Variants in DAZAP1 observed in about 807,000 individuals in gnomAD.
DAZAP1 encodes DAZ-associated protein 1.
DAZAP1 carries 6 observed loss-of-function variants against 60.1 expected under a neutral mutation model. That is an observed-to-expected ratio of 0.10 (90% CI 0.05 to 0.20). The LOEUF (loss-of-function observed/expected upper bound fraction) is 0.20. DAZAP1 is among the 10% of genes least tolerant of loss of function. The pLI, the probability that DAZAP1 is intolerant of heterozygous loss-of-function variation, is 1.00. For missense variants in DAZAP1, 366 were observed against 560.4 expected, an observed-to-expected ratio of 0.65 and a Z score of 3.50; for synonymous variants, 235 against 215.9, an observed-to-expected ratio of 1.09 and a Z score of -0.78.
At chr19:1,415,197 C>G (rs1196761729) in intron 1 of DAZAP1, among the ~76,000 whole-genome samples, 1 of 152,036 alleles carries the variant, frequency 6.6e-6, no homozygotes, top group Non-Finnish European at 1.5e-5. Flanking sequence ...CTGGACTGGT[C>G]TGACGAGTTC....
intron 10 of DAZAP1, among the ~76,000 whole-genome samples, chr19:1,430,773 T>G (rs1474041891): frequency 6.6e-6 from 1 of 150,712 alleles, no homozygotes; most frequent in Admixed American, 6.6e-5. Context: ...CAGGCTGGAG[T>G]GCAGTGGCGC....
intron 1 of DAZAP1, among the ~76,000 whole-genome samples, chr19:1,409,067 C>G (rs1160280235): frequency 6.6e-6 from 1 of 152,174 alleles, no homozygotes; most frequent in Non-Finnish European, 1.5e-5. Context: ...GGGCTCTCCC[C>G]CTCCCCAGAC....
At chr19:1,408,307 C>T (rs541426202) in intron 1 of DAZAP1, among the ~76,000 whole-genome samples, 8 of 151,712 alleles carry the variant, frequency 5.3e-5, no homozygotes, top group African/African-American at 1.7e-4. Flanking sequence ...CTGGGGGACC[C>T]CGAATGAGAA....
In DAZAP1 at chr19:1,432,940, G is replaced by A; in HGVS notation, c.1048+250G>A. 1 of 504,874 alleles carries A rather than the reference G, an allele frequency of 2.0e-6. No homozygotes were observed. The highest frequency in any genetic ancestry group is 1.9e-5 in the African/African-American group (1 of 51,326). 31.3% of individuals were successfully genotyped at this position (504,874 alleles called of 1,614,324 possible). Reference sequence around the variant, plus strand: ...AGCAGGTGCTGCAGGGCCTGCATGTGTGGGAACCTGAGTGGCGACTGGGTC... The same window carrying A: ...AGCAGGTGCTGCAGGGCCTGCATGTATGGGAACCTGAGTGGCGACTGGGTC... On this transcript the variant is annotated intron_variant, in intron 11 of 11. Transcript: ENST00000233078. The surrounding 1 kb of genome is among the most constrained non-coding windows in gnomAD (Gnocchi z 4.9).
At position 1,407,770 on chromosome 19, in the gene DAZAP1, C is replaced by T. The variant is rs1217964079; in HGVS notation, c.-4C>T. The T allele has an allele frequency of 5.5e-6, 6 of 1,089,860 alleles. No homozygotes were observed. Among genetic ancestry groups the T allele is most frequent in the Non-Finnish European group, 6.7e-6 (6 of 897,896 alleles). The allele number at this position is 1,089,860 out of a possible 1,614,324, so 67.5% of individuals were successfully genotyped here. ...GAGCGCCGAGCGTCGCCGCCGCCGC[C>T]GCCATGAACAACTCGGGCGCCGACG... On this transcript the variant is annotated 5_prime_UTR_variant, in exon 1 of 12. Coordinates refer to ENST00000233078, the MANE Select transcript of DAZAP1 (RefSeq NM_018959.4).
Position 1,433,881 on chromosome 19 carries a change from G to A in DAZAP1, c.1049-856G>A. 1 of 1,535,782 alleles carries A rather than the reference G, an allele frequency of 6.5e-7. No individual in the cohort carries two copies. Among genetic ancestry groups the A allele is most frequent in the South Asian group, 1.1e-5 (1 of 89,376 alleles). ...TCCCACCCGCCTGCACCGGGAGGTG[G>A]ACGTGGCTTCCTCTGCCGTCCCGGG... On this transcript the variant is annotated intron_variant, in intron 11 of 11. Coordinates refer to ENST00000233078, the MANE Select transcript of DAZAP1 (RefSeq NM_018959.4). The surrounding 1 kb of genome is among the most constrained non-coding windows in gnomAD (Gnocchi z 6.1).
chr19:1,432,732 G>A lies in DAZAP1; in HGVS notation c.1048+42G>A, dbSNP rs2083485684. On this transcript the variant is annotated intron_variant, in intron 11 of 11. Transcript: ENST00000233078. The surrounding 1 kb of genome is among the most constrained non-coding windows in gnomAD (Gnocchi z 4.9). Reference sequence around the variant, plus strand: ...CATGCCGCGTCCCCGCTGGCCCCAGGACCCTGGGCACGGCCTGCCTTCTTC... The same window carrying A: ...CATGCCGCGTCCCCGCTGGCCCCAGAACCCTGGGCACGGCCTGCCTTCTTC... 3 of 1,540,376 alleles carry A rather than the reference G, an allele frequency of 1.9e-6. No individual in the cohort carries two copies. In the African/African-American group the frequency reaches 4.1e-5, roughly 21 times the overall value.
chr19:1,422,260 T>C lies in DAZAP1; in HGVS notation c.415-88T>C. 1 of 1,264,372 alleles carries C rather than the reference T, an allele frequency of 7.9e-7. No individual in the cohort carries two copies. Among genetic ancestry groups the C allele is most frequent in the South Asian group, 1.2e-5 (1 of 82,930 alleles). 78.3% of individuals were successfully genotyped at this position (1,264,372 alleles called of 1,614,324 possible). ...GGGAGGGCGCACCCTGTGCGAGAGT[T>C]TGGGTTCGTGGGAACAGGCTGTGCC... is the stretch of plus-strand genomic sequence containing the variant. On this transcript the variant is annotated intron_variant, in intron 5 of 11. Transcript: ENST00000233078. This position sits in a 1 kb window ranked among gnomAD's most constrained non-coding sequence, Gnocchi z 4.5.
rs1369884760 is a variant in DAZAP1, at chr19:1,423,847, C to T, written c.463+1451C>T. On this transcript the variant is annotated intron_variant, in intron 6 of 11. Coordinates refer to ENST00000233078, the MANE Select transcript of DAZAP1 (RefSeq NM_018959.4). This position sits in a 1 kb window ranked among gnomAD's most constrained non-coding sequence, Gnocchi z 6.8. The stretch of plus-strand genomic sequence containing the variant: ...CTTCTCCTCGCGTCCTGTCCTGTCC[C>T]GTGTGGACGGGACGTGGCGAGTGTC... Among the ~76,000 whole-genome samples, 2 of 152,170 alleles carry T rather than the reference C, an allele frequency of 1.3e-5. No homozygotes were observed. The highest frequency in any genetic ancestry group is 2.4e-5 in the African/African-American group (1 of 41,440).
At chr19:1,429,497 G>T (rs1337055680) in intron 8 of DAZAP1, among the ~76,000 whole-genome samples, 2 of 152,222 alleles carry the variant, frequency 1.3e-5, no homozygotes, top group Non-Finnish European at 2.9e-5. Flanking sequence ...CCCTGGGCTT[G>T]GCTGCAGCCC....
At chr19:1,419,479 C>T (rs1030381917) in intron 4 of DAZAP1, among the ~76,000 whole-genome samples, 2 of 152,182 alleles carry the variant, frequency 1.3e-5, no homozygotes, top group Non-Finnish European at 2.9e-5. Context: ...GGGTGCGTCT[C>T]CTAAAATGAC....
chr19:1,430,270 C>CCCCCA lies in DAZAP1; in HGVS notation c.779_780insCCCCA (p.Phe262AsnfsTer75). 7.3e-7 allele frequency: 1 copy of CCCCCA among 1,368,650 alleles called. No homozygotes were observed. Among genetic ancestry groups the CCCCCA allele is most frequent in the Non-Finnish European group, 1.0e-6 (1 of 979,204 alleles). The allele number at this position is 1,368,650 out of a possible 1,614,324, so 84.8% of individuals were successfully genotyped here. A position where few individuals can be genotyped will look rare whatever the true frequency, so the allele number is the denominator to read the frequency against. Reference sequence around the variant, plus strand: ...GGAAGAGGAGCCCCCCCGCCACCCCCACCGTTCACCTCCTACATCGTGTCC... The same window carrying CCCCCA: ...GGAAGAGGAGCCCCCCCGCCACCCCCCCCCAACCGTTCACCTCCTACATCGTGTCC... On this transcript the variant is annotated frameshift_variant, in exon 10 of 12. Coordinates refer to ENST00000233078, the MANE Select transcript of DAZAP1 (RefSeq NM_018959.4). LOFTEE classifies it high-confidence loss of function.
At chr19:1,419,880 C>T (rs1233173163) in intron 4 of DAZAP1, among the ~76,000 whole-genome samples, 2 of 138,812 alleles carry the variant, frequency 1.4e-5, no homozygotes, top group Non-Finnish European at 3.1e-5. Context: ...GCAGCGAGCA[C>T]TCACCCCACG....
chr19:1,416,901 G>A lies in DAZAP1; in HGVS notation c.30-599G>A, dbSNP rs950214027. 1.3e-5 allele frequency: 2 copies of A among 153,870 alleles called. No homozygotes were observed. The highest frequency in any genetic ancestry group is 2.9e-5 in the Non-Finnish European group (2 of 69,182). 9.5% of individuals were successfully genotyped at this position (153,870 alleles called of 1,614,324 possible). On this transcript the variant is annotated intron_variant, in intron 1 of 11. Transcript: ENST00000233078. The surrounding 1 kb of genome is among the most constrained non-coding windows in gnomAD (Gnocchi z 4.3). Reference sequence around the variant, plus strand: ...TAAGAGACAGCCCCAGAATGGGGGTGGCGCGGGTTTGTCGGGGGTAAGTAA... The same window carrying A: ...TAAGAGACAGCCCCAGAATGGGGGTAGCGCGGGTTTGTCGGGGGTAAGTAA...
intron 8 of DAZAP1, among the ~76,000 whole-genome samples, chr19:1,429,659 T>A (rs887738771): frequency 6.6e-6 from 1 of 152,234 alleles, no homozygotes; most frequent in African/African-American, 2.4e-5. Flanking sequence ...TCTCGAGGCT[T>A]AGAAGTCTCA....
At chr19:1,410,717 G>C (rs12971441) in intron 1 of DAZAP1, among the ~76,000 whole-genome samples, 1 of 152,354 alleles carries the variant, frequency 6.6e-6, no homozygotes, top group Non-Finnish European at 1.5e-5. Flanking sequence ...CAGAGGCTCA[G>C]AGGGGTCACC....
chr19:1,429,789 G>T (rs1016836270), intron 8 of DAZAP1, among the ~76,000 whole-genome samples, 178 bp from the exon 9 acceptor site: 3 of 152,224 alleles, frequency 2.0e-5, no homozygotes, highest in African/African-American at 7.2e-5. Context: ...TCTACAAGGG[G>T]TGGGGAGTGC....
chr19:1,412,427 T>C (rs2082857478), intron 1 of DAZAP1, among the ~76,000 whole-genome samples: 1 of 152,188 alleles, frequency 6.6e-6, no homozygotes, highest in South Asian at 2.1e-4. Flanking sequence ...CTCTTGAGAT[T>C]GTGCACGGAG....
Position 1,428,299 on chromosome 19 carries a change from T to G in DAZAP1, c.547-543T>G, listed in dbSNP as rs1421087649. ...ACATTAGTTTTGAGTTAATTGAGATTCTTTAAGCGTTAGCCTGGGGAAGGT... is the reference window on the plus strand; with the variant it reads ...ACATTAGTTTTGAGTTAATTGAGATGCTTTAAGCGTTAGCCTGGGGAAGGT... On this transcript the variant is annotated intron_variant, in intron 7 of 11. Transcript: ENST00000233078. The surrounding 1 kb of genome is among the most constrained non-coding windows in gnomAD (Gnocchi z 4.0). 1.3e-5 allele frequency: 2 copies of G among 152,422 alleles called. No individual in the cohort carries two copies. Among genetic ancestry groups the G allele is most frequent in the African/African-American group, 4.8e-5 (2 of 41,466 alleles). The allele number at this position is 152,422 out of a possible 1,614,324, so 9.4% of individuals were successfully genotyped here. A position where few individuals can be genotyped will look rare whatever the true frequency, so the allele number is the denominator to read the frequency against.
Sources: allele counts gnomAD v4.1 joint callset (sites outside exome capture counted in the v4.1 genomes callset), GRCh38; gene constraint gnomAD v4.1.1; non-coding constraint Gnocchi (gnomAD v3.1); transcripts MANE v1.5; gene names NCBI Gene and HGNC (gene_info 2026-07-23, HGNC 2026-07-21).